KCNMA1: variants seen among roughly 807,000 people sequenced by gnomAD.
KCNMA1 encodes the protein potassium calcium-activated channel subfamily M alpha 1, also known as Calcium-activated potassium channel subunit alpha-1.
Under a neutral mutation model 140.0 loss-of-function variants are expected in KCNMA1, and 29 were observed. That is an observed-to-expected ratio of 0.21 (90% confidence interval 0.15 to 0.28). KCNMA1 has a LOEUF of 0.28. Ranked by LOEUF, KCNMA1 falls within the 10% of genes least tolerant of loss-of-function variation. KCNMA1 has a pLI of 1.00. For synonymous variants in KCNMA1, 612 were observed against 611.9 expected, an observed-to-expected ratio of 1.00 and a Z score of 0.00; for missense variants, 880 against 1,602.2, an observed-to-expected ratio of 0.55 and a Z score of 7.70.
At chr10:76,927,351 G>C (rs1318179099) in intron 23 of KCNMA1, among the ~76,000 whole-genome samples, 1 of 152,174 alleles carries the variant, frequency 6.6e-6, no homozygotes, top group East Asian at 1.9e-4. Flanking sequence ...TAAAGGAAGA[G>C]AAACCACCGC....
intron 20 of KCNMA1, among the ~76,000 whole-genome samples, chr10:76,961,395 G>C (rs1215848287): frequency 6.6e-6 from 1 of 152,120 alleles, no homozygotes; most frequent in Non-Finnish European, 1.5e-5. Flanking sequence ...GCTTCTTACG[G>C]GTTAGCAAAG....
At chr10:77,637,221 C>G in intron 1 of KCNMA1, 44 bp downstream of exon 1, 2 of 1,527,666 alleles carry the variant, frequency 1.3e-6, no homozygotes, top group East Asian at 4.8e-5. Context: ...CGCCGAGAAG[C>G]GGTGGGGCTG....
chr10:77,471,213 AACACACATT>A (rs1229502106), intron 1 of KCNMA1, among the ~76,000 whole-genome samples: 1 of 150,746 alleles, frequency 6.6e-6, no homozygotes, highest in Non-Finnish European at 1.5e-5. Context: ...CACACTACAC[AACACACATT>A]ACACACATAA....
intron 21 of KCNMA1, among the ~76,000 whole-genome samples, chr10:76,949,655 C>A (rs1041425770): frequency 1.3e-5 from 2 of 152,092 alleles, no homozygotes; most frequent in African/African-American, 4.8e-5. Context: ...TATGTGTGAG[C>A]AGACCTTCAT....
intron 1 of KCNMA1, among the ~76,000 whole-genome samples, chr10:77,510,270 A>G (rs371926544): frequency 2.6e-5 from 4 of 152,100 alleles, no homozygotes; most frequent in African/African-American, 7.2e-5. Context: ...CACTTGCCAT[A>G]GAGTCAGTGT....
chr10:77,449,256 C>A (rs1305399371), intron 1 of KCNMA1, among the ~76,000 whole-genome samples: 1 of 151,998 alleles, frequency 6.6e-6, no homozygotes, highest in African/African-American at 2.4e-5. Flanking sequence ...AATAAACTGG[C>A]AAGAAACTCG....
chr10:76,893,081 G>T (rs1458639359), intron 25 of KCNMA1, among the ~76,000 whole-genome samples: 2 of 152,148 alleles, frequency 1.3e-5, no homozygotes, highest in Non-Finnish European at 2.9e-5. Context: ...GGGATCCAGG[G>T]ATCCAGAGCT....
At chr10:77,008,145 G>T in intron 18 of KCNMA1, 1 of 1,525,064 alleles carries the variant, frequency 6.6e-7, no homozygotes, top group Non-Finnish European at 8.8e-7. Flanking sequence ...AAAGACAGGG[G>T]GAACTGGACT....
intron 23 of KCNMA1, among the ~76,000 whole-genome samples, chr10:76,925,536 A>C (rs1423982065): frequency 6.6e-6 from 1 of 152,196 alleles, no homozygotes. Flanking sequence ...TTTCCATTAC[A>C]TCAATTTTTT....
intron 2 of KCNMA1, among the ~76,000 whole-genome samples, chr10:77,376,174 T>C (rs1323855902): frequency 6.6e-6 from 1 of 152,186 alleles, no homozygotes; most frequent in Non-Finnish European, 1.5e-5. Flanking sequence ...TAAAACAGTA[T>C]ACTGTGGTGC....
intron 2 of KCNMA1, among the ~76,000 whole-genome samples, chr10:77,386,731 G>C (rs2095615599): frequency 6.6e-6 from 1 of 152,218 alleles, no homozygotes; most frequent in African/African-American, 2.4e-5. Flanking sequence ...ATGGCTCCCA[G>C]GATGAAACTG....
At chr10:77,383,030 T>TATATATATATATATATATA (rs1566451029) in intron 2 of KCNMA1, among the ~76,000 whole-genome samples, 1 of 103,016 alleles carries the variant, frequency 9.7e-6, no homozygotes, top group African/African-American at 4.0e-5. Context: ...ATATATATAT[T>TATATATATATATATATATA]CCAAGTGGAG....
At chr10:76,922,324 A>G (rs1407865289) in intron 23 of KCNMA1, among the ~76,000 whole-genome samples, 1 of 152,176 alleles carries the variant, frequency 6.6e-6, no homozygotes, top group Non-Finnish European at 1.5e-5. Flanking sequence ...AGGATAGTTG[A>G]TATCTGCTGT....
intron 18 of KCNMA1, among the ~76,000 whole-genome samples, chr10:77,010,527 C>T (rs1259609359): frequency 1.3e-5 from 2 of 151,960 alleles, no homozygotes; most frequent in African/African-American, 2.4e-5. Context: ...CGATAAGAGT[C>T]TGGGGGAAGG....
At chr10:77,261,659 G>A (rs983126397) in intron 2 of KCNMA1, among the ~76,000 whole-genome samples, 2 of 152,174 alleles carry the variant, frequency 1.3e-5, no homozygotes, top group African/African-American at 4.8e-5. Context: ...CCTGCAAGCC[G>A]AGGTTTAATG....
intron 1 of KCNMA1, among the ~76,000 whole-genome samples, chr10:77,601,123 G>A (rs1436164899): frequency 2.6e-5 from 4 of 152,144 alleles, no homozygotes; most frequent in African/African-American, 9.7e-5. Flanking sequence ...GTCAGCCCTT[G>A]CCACCTTTGC....
chr10:76,938,179 A>C (rs558075992), intron 23 of KCNMA1, among the ~76,000 whole-genome samples: 1 of 152,278 alleles, frequency 6.6e-6, no homozygotes, highest in Non-Finnish European at 1.5e-5. Context: ...GAGCATGAGC[A>C]ATGGGCCAGA....
chr10:77,366,975 G>A (rs528425766), intron 2 of KCNMA1, among the ~76,000 whole-genome samples: 66 of 152,266 alleles, frequency 4.3e-4, no homozygotes, highest in African/African-American at 1.5e-3. Context: ...GCTGGTCACC[G>A]GGCCTACAAG....
At chr10:77,260,336 C>G (rs1041612218) in intron 2 of KCNMA1, among the ~76,000 whole-genome samples, 1 of 152,084 alleles carries the variant, frequency 6.6e-6, no homozygotes, top group Non-Finnish European at 1.5e-5. Context: ...AGGATTTGGT[C>G]GGATGGCAGG....
Sources: gnomAD v4.1 joint callset for allele counts (sites outside exome capture counted in the v4.1 genomes callset) on GRCh38, gnomAD v4.1.1 for gene constraint, MANE v1.5 for transcripts, NCBI Gene and HGNC (gene_info 2026-07-23, HGNC 2026-07-21) for gene names.